ZFYVE26: variants seen among roughly 807,000 people sequenced by gnomAD.
The protein encoded by ZFYVE26 is zinc finger FYVE domain-containing protein 26.
Under a neutral mutation model 276.5 loss-of-function variants are expected in ZFYVE26, and 181 were observed. That is an observed-to-expected ratio of 0.65 (90% CI 0.58 to 0.74). The LOEUF (loss-of-function observed/expected upper bound fraction) is 0.74. Among genes scored for constraint, ZFYVE26 ranks in the 30% least tolerant of loss-of-function variants. The pLI is 0.00. For missense variants in ZFYVE26, 2,821 were observed against 3,097.9 expected, an observed-to-expected ratio of 0.91 and a Z score of 2.12; for synonymous variants, 1,129 against 1,203.1, an observed-to-expected ratio of 0.94 and a Z score of 1.27.
At position 67,798,922 on chromosome 14, in the gene ZFYVE26, C is replaced by T. The variant is rs977330231; in HGVS notation, c.1640-300G>A. ...CGCCCCCGGGGAGGGCGCTGAGCTCCGCTTGGCGCCTCTGATCTTTATTTC... is the reference window on the plus strand; with the variant it reads ...CGCCCCCGGGGAGGGCGCTGAGCTCTGCTTGGCGCCTCTGATCTTTATTTC... On this transcript the variant is annotated intron_variant, in intron 10 of 41. Transcript: ENST00000347230. 49 of 1,040,446 alleles carry T rather than the reference C, an allele frequency of 4.7e-5. No individual in the cohort carries two copies. In the East Asian group the frequency reaches 9.2e-4, roughly 20 times the overall value. 64.5% of individuals were successfully genotyped at this position (1,040,446 alleles called of 1,614,324 possible).
intron 14 of ZFYVE26, among the ~76,000 whole-genome samples, chr14:67,793,228 G>A (rs1354630047): frequency 6.6e-6 from 1 of 152,064 alleles, no homozygotes; most frequent in Non-Finnish European, 1.5e-5. Flanking sequence ...CAGCACTCCA[G>A]CCTGGGCAAC....
At chr14:67,739,048 C>T (rs1386054007) in intron 13 of ZFYVE26, among the ~76,000 whole-genome samples, 1 of 152,114 alleles carries the variant, frequency 6.6e-6, no homozygotes, top group Non-Finnish European at 1.5e-5. Context: ...GGCAACCGTG[C>T]GGATCACATT....
At chr14:67,749,826 G>T (rs146472479) in intron 41 of ZFYVE26, among the ~76,000 whole-genome samples, 2 of 152,250 alleles carry the variant, frequency 1.3e-5, no homozygotes, top group East Asian at 3.9e-4. Context: ...TGTACACTAA[G>T]CTAAATACAT....
chr14:67,798,745 T>G, intron 10 of ZFYVE26, 123 bp from the exon 11 acceptor site: 1 of 1,272,266 alleles, frequency 7.9e-7, no homozygotes, highest in South Asian at 1.3e-5. Context: ...TATTTTTTAA[T>G]TATAAGGGAA....
intron 28 of ZFYVE26, 194 bp from the exon 29 acceptor site, chr14:67,769,924 T>G: frequency 7.7e-5 from 53 of 686,998 alleles, no homozygotes; most frequent in Non-Finnish European, 8.8e-5. Context: ...TGTCAGCTGA[T>G]GGGCAAAGGT....
Position 67,762,281 on chromosome 14 carries a change from A to G in ZFYVE26, c.6291T>C (p.Asn2097=), listed in dbSNP as rs768554980. ...CCAGCCTTGAGCCATGATTCAGCTG[A>G]TTGAGGTCAAATGGGGGCTTCAGAC... is the stretch of plus-strand genomic sequence containing the variant. ...SRCLKPPFDL[N]QLNHGSRLVQ... The change falls in exon 34 of 42, where the codon AAT becomes AAC. Residue 2097 remains asparagine, a synonymous_variant. Transcript: ENST00000347230. 2.5e-6 allele frequency: 4 copies of G among 1,614,114 alleles called. No homozygotes were observed. In the South Asian group the frequency reaches 3.3e-5, roughly 13 times the overall value.
At position 67,783,814 on chromosome 14, in the gene ZFYVE26, T is replaced by G. The variant is rs181307216; in HGVS notation, c.3627-289A>C. ...AGATGAACAATAACTAGGCTCCTGT[T>G]AGTGGACAATGAATTTTCTGATCTG... is the stretch of plus-strand genomic sequence containing the variant. On this transcript the variant is annotated intron_variant, in intron 20 of 41. Transcript: ENST00000347230. 2.2e-3 allele frequency among the ~76,000 whole-genome samples: 330 copies of G among 152,348 alleles called. 4 individuals are homozygous for G. Among genetic ancestry groups the G allele is most frequent in the African/African-American group, 7.4e-3 (307 of 41,576 alleles).
chr14:67,794,364 C>A, intron 12 of ZFYVE26, 125 bp from the exon 13 acceptor site: 1 of 931,600 alleles, frequency 1.1e-6, no homozygotes, highest in Non-Finnish European at 1.8e-6. Context: ...AACTATGACA[C>A]CTGCTGCTCC....
intron 35 of ZFYVE26, among the ~76,000 whole-genome samples, chr14:67,757,640 GTCTTTCTTTCTTTCTTTCTT>G (rs57285258): frequency 0.03 from 4,440 of 148,992 alleles, 199 homozygotes; most frequent in African/African-American, 0.097. Flanking sequence ...AGATATTTTT[GTCTTTCTTTCTTTCTTTCTT>G]TCTTTCTTTC....
Position 67,761,581 on chromosome 14 carries a change from C to T in ZFYVE26, c.6373G>A (p.Asp2125Asn). 2.5e-6 allele frequency: 4 copies of T among 1,613,976 alleles called. No homozygotes were observed. The highest frequency in any genetic ancestry group is 3.4e-6 in the Non-Finnish European group (4 of 1,179,954). The change falls in exon 35 of 42, where the codon GAT becomes AAT. Residue 2125 changes from aspartate to asparagine, a missense_variant. By Grantham distance (23) the Asp-to-Asn change is conservative (BLOSUM62 1). Coordinates refer to ENST00000347230, the MANE Select transcript of ZFYVE26 (RefSeq NM_015346.4). ...CTCAGGGTGGCAAAGTAATCGTCATCTTGCTGACAGCACAGGGAGCGAGAG... is the reference window on the plus strand; with the variant it reads ...CTCAGGGTGGCAAAGTAATCGTCATTTTGCTGACAGCACAGGGAGCGAGAG... ...STVRPFVSLQ[D>N]DDYFATLREL...
At chr14:67,775,827 T>C (rs993065542) in intron 26 of ZFYVE26, 33 bp downstream of exon 26, 22 of 1,613,804 alleles carry the variant, frequency 1.4e-5, no homozygotes, top group Non-Finnish European at 1.6e-5. Context: ...TCTTCCTCCA[T>C]GTAGAATCCC....
chr14:67,794,668 G>A (rs547049169), intron 12 of ZFYVE26, among the ~76,000 whole-genome samples: 1 of 152,296 alleles, frequency 6.6e-6, no homozygotes, highest in South Asian at 2.1e-4. Flanking sequence ...CAACTGGCTG[G>A]GTGCAGTGGC....
rs542349428 is a variant in ZFYVE26, at chr14:67,790,618, G to A, written c.2709C>T (p.Gly903=). The A allele has an allele frequency of 6.2e-7, 1 of 1,614,106 alleles. No individual in the cohort carries two copies. Among genetic ancestry groups the A allele is most frequent in the African/African-American group, 1.3e-5 (1 of 75,056 alleles). ...DAGSSTIRRT[G]SGRSTLQAIG... ...TGGCCTGTAGAGTTGAGCGGCCACT[G>A]CCAGTTCTCCGAATGGTGCTGCTAC... Residue 903 remains glycine, a synonymous_variant, in exon 15 of 42, where the codon GGC becomes GGT. Transcript: ENST00000347230.
rs1362968314 is a variant in ZFYVE26 at position 67,809,203 on chromosome 14, G to A, written c.360C>T (p.Leu120=). The change falls in exon 4 of 42, where the codon CTC becomes CTT. Residue 120 remains leucine, a synonymous_variant. Transcript: ENST00000347230. ...TGGTACCAGGGCTCTCTCTCACCTC[G>A]AGGATGTTCTCTGGAATGTCACCTT... is the stretch of plus-strand genomic sequence containing the variant. The part of the protein sequence containing the change: ...DLQGDIPENI[L]EELYETLTQG... The A allele has an allele frequency of 4.3e-6, 7 of 1,613,738 alleles. No homozygotes were observed. The highest frequency in any genetic ancestry group is 1.7e-5 in the Admixed American group (1 of 60,010).
rs1452649863 is a variant in ZFYVE26 at position 67,781,497 on chromosome 14, T to A, written c.4405A>T (p.Lys1469Ter). Reference sequence around the variant, plus strand: ...AGCCGACTTCTCAGAGATGCATCCTTCACGGGAAACAGGTATTGCCAACCT... The same window carrying A: ...AGCCGACTTCTCAGAGATGCATCCTACACGGGAAACAGGTATTGCCAACCT... ...KEGWQYLFPV[K>*]DASLRSRLAL... Residue 1469 changes from lysine to a stop codon, truncating the protein, a stop_gained, in exon 22 of 42, where the codon AAG (lysine) becomes TAG (stop). Transcript: ENST00000347230. LOFTEE classifies it high-confidence loss of function. The A allele has an allele frequency of 6.2e-7, 1 of 1,614,126 alleles. No individual in the cohort carries two copies. Among genetic ancestry groups the A allele is most frequent in the Non-Finnish European group, 8.5e-7 (1 of 1,180,034 alleles).
Position 67,806,580 on chromosome 14 carries a change from G to C in ZFYVE26, c.982C>G (p.Leu328Val), listed in dbSNP as rs1441325072. The part of the protein sequence containing the change: ...EAWKVAYFYC[L>V]SNNKHFLEQI... ...TCGAGGAAGTGTTTGTTGTTGCTCA[G>C]GCAGTAGAAATAGGCCACTTTCCAA... The change falls in exon 6 of 42, where the codon CTG (leucine) becomes GTG (valine). Residue 328 changes from leucine (L) to valine (V), a missense_variant. By Grantham distance (32) the Leu-to-Val change is conservative. Transcript: ENST00000347230. The C allele has an allele frequency of 1.2e-6, 2 of 1,614,126 alleles. No homozygotes were observed. The highest frequency in any genetic ancestry group is 1.7e-6 in the Non-Finnish European group (2 of 1,180,046).
At position 67,783,117 on chromosome 14, in the gene ZFYVE26, C is replaced by A. The variant is rs374530573; in HGVS notation, c.4035G>T (p.Val1345=). Residue 1345 remains valine (V), a synonymous_variant, in exon 21 of 42, where the codon GTG becomes GTT. Coordinates refer to ENST00000347230, the MANE Select transcript of ZFYVE26 (RefSeq NM_015346.4). ...GGGCTACCTGCTCTGCAGCCAGAGGCACCTCCCTGCGGCCACGAAGTTCCT... is the reference window on the plus strand; with the variant it reads ...GGGCTACCTGCTCTGCAGCCAGAGGAACCTCCCTGCGGCCACGAAGTTCCT... ...SWKELRGRRE[V]PLAAEQVARE... The A allele has an allele frequency of 1.9e-4, 307 of 1,609,768 alleles. No homozygotes were observed. Among genetic ancestry groups the A allele is most frequent in the Non-Finnish European group, 2.5e-4 (295 of 1,176,998 alleles).
intron 39 of ZFYVE26, 31 bp downstream of exon 39, chr14:67,753,676 C>T: frequency 6.2e-7 from 1 of 1,608,354 alleles, no homozygotes; most frequent in South Asian, 1.1e-5. Context: ...GCTGATTGTC[C>T]TCAGTATGAT....
At position 67,761,465 on chromosome 14, in the gene ZFYVE26, G is replaced by A; in HGVS notation, c.6489C>T (p.Cys2163=). Residue 2163 remains cysteine (C), a synonymous_variant, in exon 35 of 42, where the codon TGC becomes TGT. Coordinates refer to ENST00000347230, the MANE Select transcript of ZFYVE26 (RefSeq NM_015346.4). The stretch of plus-strand genomic sequence containing the variant: ...TGCTATAGTTGTGCAGGTAGAAGAG[G>A]CATTCCTGGTAGTAGGTGTTGTTCA... ...KIMNNTYYQE[C]LFYLHNYSTN... 1 of 1,614,214 alleles carries A rather than the reference G, an allele frequency of 6.2e-7. No individual in the cohort carries two copies. Among genetic ancestry groups the A allele is most frequent in the South Asian group, 1.1e-5 (1 of 91,076 alleles).
Sources: gnomAD v4.1 joint callset for allele counts (sites outside exome capture counted in the v4.1 genomes callset) on GRCh38, gnomAD v4.1.1 for gene constraint, MANE v1.5 for transcripts, NCBI Gene and HGNC (gene_info 2026-07-23, HGNC 2026-07-21) for gene names.